Variants in NRG1 observed in about 807,000 individuals in gnomAD.
NRG1 encodes neuregulin 1, also known as pro-neuregulin-1, membrane-bound isoform.
In NRG1, 18 loss-of-function variants were observed where a neutral mutation model predicts 63.8. That is an observed-to-expected ratio of 0.28 (90% CI 0.19 to 0.42). The LOEUF is 0.42. NRG1 is among the 10% of genes least tolerant of loss of function. The probability of loss-of-function intolerance (pLI) is 1.00; values close to 1 mark genes in which losing one functional copy is unlikely to be tolerated. For missense variants in NRG1, 762 were observed against 814.7 expected, an observed-to-expected ratio of 0.94 and a Z score of 0.79; for synonymous variants, 302 against 301.3, an observed-to-expected ratio of 1.00 and a Z score of -0.02.
At chr8:32,200,313 G>A (rs1300764492) in intron 1 of NRG1, among the ~76,000 whole-genome samples, 1 of 152,160 alleles carries the variant, frequency 6.6e-6, no homozygotes, top group African/African-American at 2.4e-5. Flanking sequence ...TTTTAATGCA[G>A]ATACTGAATT....
At chr8:32,353,482 T>C (rs1186522726) in intron 1 of NRG1, among the ~76,000 whole-genome samples, 1 of 152,006 alleles carries the variant, frequency 6.6e-6, no homozygotes, top group African/African-American at 2.4e-5. Flanking sequence ...GTAATTAATA[T>C]AAAGAAGATA....
intron 1 of NRG1, among the ~76,000 whole-genome samples, chr8:32,229,662 C>T (rs530610953): frequency 6.6e-6 from 1 of 152,086 alleles, no homozygotes; most frequent in Non-Finnish European, 1.5e-5. Context: ...AGAGTCAATG[C>T]GGAAAACGCT....
chr8:31,699,198 A>AC (rs1554509305), intron 1 of NRG1, among the ~76,000 whole-genome samples: 1 of 151,970 alleles, frequency 6.6e-6, no homozygotes, highest in Non-Finnish European at 1.5e-5. Context: ...AGTTAATAAC[A>AC]TTTTTTTCCT....
chr8:32,036,737 G>A lies in NRG1; in HGVS notation c.37+397306G>A, dbSNP rs555419171. Among the ~76,000 whole-genome samples the A allele has an allele frequency of 2.8e-4, 42 of 152,160 alleles. 1 individual carries two copies. The South Asian group carries it at 5.6e-3, about 20-fold the overall frequency. Reference sequence around the variant, plus strand: ...TTGGTCTATTCAGTTATTGATACTCGTGGTTGCATTGTGAAGTTCTCATGT... The same window carrying A: ...TTGGTCTATTCAGTTATTGATACTCATGGTTGCATTGTGAAGTTCTCATGT... On this transcript the variant is annotated intron_variant, in intron 1 of 10. Coordinates refer to the NRG1 transcript ENST00000519301.
At chr8:31,788,614 C>T (rs1820401620) in intron 1 of NRG1, among the ~76,000 whole-genome samples, 1 of 152,128 alleles carries the variant, frequency 6.6e-6, no homozygotes, top group South Asian at 2.1e-4. Flanking sequence ...GGTGTAAGGA[C>T]ACACTGGGGA....
chr8:31,675,080 T>C (rs531510190), intron 1 of NRG1, among the ~76,000 whole-genome samples: 1 of 152,300 alleles, frequency 6.6e-6, no homozygotes, highest in East Asian at 1.9e-4. Context: ...CAGTGGCTCA[T>C]GCCTGTAATC....
At chr8:31,917,389 G>A (rs540083688) in intron 1 of NRG1, among the ~76,000 whole-genome samples, 2,593 of 150,574 alleles carry the variant, frequency 0.017, 88 homozygotes, top group African/African-American at 0.06. Context: ...TGTATAAGGT[G>A]TAAGGAAGGG....
intron 1 of NRG1, among the ~76,000 whole-genome samples, chr8:32,090,878 A>G (rs1237336863): frequency 2.0e-5 from 3 of 152,204 alleles, no homozygotes; most frequent in Non-Finnish European, 2.9e-5. Context: ...CACTACCACG[A>G]CCATCATCAT....
chr8:32,546,991 A>T (rs1208374203), upstream of NRG1, among the ~76,000 whole-genome samples: 4 of 152,230 alleles, frequency 2.6e-5, no homozygotes, highest in Non-Finnish European at 5.9e-5. Flanking sequence ...CAGAAAATGG[A>T]AAACCAAGAG....
intron 5 of NRG1, among the ~76,000 whole-genome samples, chr8:32,620,538 AAAG>A (rs1183040795): frequency 2.0e-5 from 3 of 151,618 alleles, no homozygotes; most frequent in Admixed American, 6.6e-5. Flanking sequence ...AAAAAAAAAA[AAAG>A]AGCAGGCATG....
At chr8:31,894,730 T>A (rs1000117938) in intron 1 of NRG1, among the ~76,000 whole-genome samples, 44 of 152,046 alleles carry the variant, frequency 2.9e-4, no homozygotes, top group African/African-American at 1.0e-3. Context: ...TTTTGTATTT[T>A]TAGTAGAGAC....
At chr8:32,547,107 G>A (rs2129522530), upstream of NRG1, among the ~76,000 whole-genome samples, 1 of 152,338 alleles carries the variant, frequency 6.6e-6, no homozygotes, top group Non-Finnish European at 1.5e-5. Flanking sequence ...AAGAGTCTAA[G>A]TTAACCACAG....
At chr8:31,947,358 C>T (rs982997399) in intron 1 of NRG1, among the ~76,000 whole-genome samples, 3 of 150,726 alleles carry the variant, frequency 2.0e-5, no homozygotes, top group African/African-American at 7.4e-5. Flanking sequence ...AATATGTAAC[C>T]TTCTCTTCCA....
chr8:32,632,838 A>G (rs191226000), intron 5 of NRG1, among the ~76,000 whole-genome samples: 2 of 152,244 alleles, frequency 1.3e-5, no homozygotes, highest in South Asian at 2.1e-4. Context: ...TAATTCTAAA[A>G]CTCATTCTCA....
At chr8:32,249,267 C>T (rs1421481510) in intron 1 of NRG1, among the ~76,000 whole-genome samples, 1 of 152,006 alleles carries the variant, frequency 6.6e-6, no homozygotes, top group African/African-American at 2.4e-5. Flanking sequence ...CGTATCTGGC[C>T]AACAGGGAAA....
At chr8:32,160,879 C>A (rs1838749947) in intron 1 of NRG1, among the ~76,000 whole-genome samples, 1 of 152,168 alleles carries the variant, frequency 6.6e-6, no homozygotes, top group South Asian at 2.1e-4. Context: ...TAAGTGATTT[C>A]TAAATTCCCG....
chr8:32,410,176 C>CTTT (rs374377158), intron 1 of NRG1, among the ~76,000 whole-genome samples: 1,838 of 99,222 alleles, frequency 0.019, 37 homozygotes, highest in African/African-American at 0.024. Context: ...TTTTTCTTTC[C>CTTT]TTTTTTTTTT....
intron 1 of NRG1, among the ~76,000 whole-genome samples, chr8:31,870,979 T>C (rs987836122): frequency 6.6e-6 from 1 of 151,198 alleles, no homozygotes; most frequent in Admixed American, 6.6e-5. Context: ...TTCTTCCTTG[T>C]GTTGTCAGAT....
rs111342531 is a variant in NRG1 at position 32,464,540 on chromosome 8, A to G, written c.38-131288A>G. Among the ~76,000 whole-genome samples, 214 of 152,282 alleles carry G rather than the reference A, an allele frequency of 1.4e-3. 3 individuals are homozygous for G. Among genetic ancestry groups the G allele is most frequent in the African/African-American group, 3.6e-3 (150 of 41,562 alleles). Reference sequence around the variant, plus strand: ...AATGCTCCTGTAGTTCATACTGCAAAAAGAATGTGAGAGCTTGTTTCATTT... The same window carrying G: ...AATGCTCCTGTAGTTCATACTGCAAGAAGAATGTGAGAGCTTGTTTCATTT... On this transcript the variant is annotated intron_variant, in intron 1 of 10. Transcript: ENST00000519301.
Sources: gnomAD v4.1 joint callset for allele counts (sites outside exome capture counted in the v4.1 genomes callset) on GRCh38, gnomAD v4.1.1 for gene constraint, MANE v1.5 for transcripts, NCBI Gene and HGNC (gene_info 2026-07-23, HGNC 2026-07-21) for gene names.